Variants in PAK1IP1 observed in about 807,000 individuals in gnomAD.
PAK1IP1 encodes PAK1 interacting protein 1, also known as p21-activated protein kinase-interacting protein 1.
A neutral mutation model predicts 42.0 loss-of-function variants in PAK1IP1; 24 were observed. The ratio of observed to expected loss-of-function variants is 0.57; its 90% CI spans 0.41 to 0.80. The LOEUF (loss-of-function observed/expected upper bound fraction) is 0.80, where lower values mean the gene tolerates loss of function less well. Ranked by LOEUF, PAK1IP1 falls within the 30% of genes least tolerant of loss-of-function variation. The probability of loss-of-function intolerance (pLI) is 0.00; values close to 1 mark genes in which losing one functional copy is unlikely to be tolerated. For synonymous variants in PAK1IP1, 154 were observed against 156.7 expected, an observed-to-expected ratio of 0.98 and a Z score of 0.13; for missense variants, 411 against 467.9, an observed-to-expected ratio of 0.88 and a Z score of 1.12.
intron 5 of PAK1IP1, 150 bp from the exon 6 acceptor site, chr6:10,704,357 T>TA: frequency 1.7e-6 from 1 of 597,460 alleles, no homozygotes; most frequent in Non-Finnish European, 2.9e-6. Context: ...GATTATTTTC[T>TA]AAAAAACTTG....
At chr6:10,704,377 A>G (rs1263283801) in intron 5 of PAK1IP1, 130 bp from the exon 6 acceptor site, 2 of 629,588 alleles carry the variant, frequency 3.2e-6, no homozygotes, top group Non-Finnish European at 5.4e-6. Flanking sequence ...GACTTGTAAA[A>G]TGTGTTACGA....
At chr6:10,706,359 G>A (rs1581586303) in intron 7 of PAK1IP1, among the ~76,000 whole-genome samples, 1 of 151,900 alleles carries the variant, frequency 6.6e-6, no homozygotes, top group South Asian at 2.1e-4. Context: ...GAAGCCAATC[G>A]GTGCCTGTAA....
chr6:10,692,307 G>A (rs942105330), upstream of PAK1IP1, among the ~76,000 whole-genome samples: 6 of 152,136 alleles, frequency 3.9e-5, no homozygotes, highest in Non-Finnish European at 2.9e-5. Flanking sequence ...ACGTCCAGAG[G>A]ACACTTACTT....
chr6:10,702,719 A>G lies in PAK1IP1; in HGVS notation c.443+80A>G, dbSNP rs1408394761. On this transcript the variant is annotated intron_variant, in intron 4 of 9. Transcript: ENST00000379568. ...CTCCACCATCTAAAAATACTGTTAT[A>G]CAAGGGAAAGGTCAAAAGCTGGTGA... 3.9e-6 allele frequency: 4 copies of G among 1,030,958 alleles called. No homozygotes were observed. In the Admixed American group the frequency reaches 7.0e-5, roughly 18 times the overall value. 63.9% of individuals were successfully genotyped at this position (1,030,958 alleles called of 1,614,324 possible).
chr6:10,702,230 A>C, intron 2 of PAK1IP1, 139 bp from the exon 3 acceptor site: 1 of 676,316 alleles, frequency 1.5e-6, no homozygotes, highest in Non-Finnish European at 2.4e-6. Flanking sequence ...ACAAGAGTGA[A>C]ACCCTGCCTC....
chr6:10,709,363 G>GA lies in PAK1IP1; in HGVS notation c.1093dup (p.Ser365LysfsTer40). 6.2e-7 allele frequency: 1 copy of GA among 1,613,910 alleles called. No individual in the cohort carries two copies. The highest frequency in any genetic ancestry group is 8.5e-7 in the Non-Finnish European group (1 of 1,179,914). On this transcript the variant is annotated frameshift_variant, in exon 10 of 10. Transcript: ENST00000379568. LOFTEE classifies it low-confidence loss of function (END_TRUNC). ...AGGTGACAGTAAGAAAGCAACAAAA[G>GA]AAAGTGGCCTGATATCAACCAAGAA...
At chr6:10,694,612 A>ATATGTGT, upstream of PAK1IP1, 1 of 183,296 alleles carries the variant, frequency 5.5e-6, no homozygotes, top group South Asian at 9.7e-5. Context: ...AACCGGCCGG[A>ATATGTGT]AGTCGGCCCC....
chr6:10,694,994 G>C lies in PAK1IP1; in HGVS notation c.9G>C (p.Leu3=), dbSNP rs1228361451. The C allele has an allele frequency of 6.3e-7, 1 of 1,599,628 alleles. No homozygotes were observed. The highest frequency in any genetic ancestry group is 1.7e-5 in the Admixed American group (1 of 59,842). The change falls in exon 1 of 10, where the codon CTG becomes CTC. Residue 3 remains leucine (L), a synonymous_variant. Transcript: ENST00000379568. ...GGCACGTGCGCTGCTGAATGGAGCT[G>C]GTCGCTGGTTGCTACGAGCAGGTCC... The part of the protein sequence containing the change: ME[L]VAGCYEQVLF...
intron 2 of PAK1IP1, among the ~76,000 whole-genome samples, chr6:10,699,763 G>C: frequency 6.6e-6 from 1 of 152,188 alleles, no homozygotes; most frequent in Non-Finnish European, 1.5e-5. Context: ...CAGTAAATTT[G>C]CAGCGATAAA....
At chr6:10,697,574 T>TAGC in intron 2 of PAK1IP1, 88 bp downstream of exon 2, 1 of 1,031,302 alleles carries the variant, frequency 9.7e-7, no homozygotes, top group Non-Finnish European at 1.4e-6. Context: ...ATCTATTTTA[T>TAGC]AGCAGATTCT....
In PAK1IP1 at chr6:10,709,338, A is replaced by G. The variant is rs755604504; in HGVS notation, c.1065A>G (p.Thr355=). 4.3e-6 allele frequency: 7 copies of G among 1,614,060 alleles called. No individual in the cohort carries two copies. In the Admixed American group the frequency reaches 1.2e-4, roughly 27 times the overall value. ...CTAACACAAAGAAACGCGGTTTAAC[A>G]GGTGACAGTAAGAAAGCAACAAAAG... ...SKPNTKKRGL[T]GDSKKATKES... Residue 355 remains threonine (T), a synonymous_variant, in exon 10 of 10, where the codon ACA becomes ACG. Coordinates refer to ENST00000379568, the MANE Select transcript of PAK1IP1 (RefSeq NM_017906.3).
chr6:10,695,031 G>T lies in PAK1IP1; in HGVS notation c.46G>T (p.Ala16Ser). The change falls in exon 1 of 10, where the codon GCT (alanine) becomes TCT (serine). Residue 16 changes from alanine to serine, a missense_variant. Physicochemically the swap from Ala to Ser is moderately conservative, Grantham distance 99. Transcript: ENST00000379568. Reference sequence around the variant, plus strand: ...CTACGAGCAGGTCCTCTTTGGGTTCGCTGTACACCCGGAGCCCGAGGCTTG... The same window carrying T: ...CTACGAGCAGGTCCTCTTTGGGTTCTCTGTACACCCGGAGCCCGAGGCTTG... ...GCYEQVLFGF[A>S]VHPEPEACGD... 4 of 1,602,794 alleles carry T rather than the reference G, an allele frequency of 2.5e-6. No homozygotes were observed. Among genetic ancestry groups the T allele is most frequent in the Non-Finnish European group, 3.4e-6 (4 of 1,179,528 alleles).
intron 7 of PAK1IP1, 97 bp from the exon 8 acceptor site, chr6:10,707,318 A>G: frequency 2.7e-6 from 2 of 750,358 alleles, no homozygotes; most frequent in Non-Finnish European, 4.7e-6. Context: ...AAATACTTGA[A>G]ACATTGAGAA....
At position 10,699,396 on chromosome 6, in the gene PAK1IP1, G is replaced by A. The variant is rs751517488; in HGVS notation, c.247+1910G>A. 3.3e-5 allele frequency among the ~76,000 whole-genome samples: 5 copies of A among 152,064 alleles called. 1 individual carries two copies. The highest frequency in any genetic ancestry group is 2.1e-4 in the South Asian group (1 of 4,826). ...ACGTGGAACAGCTCTATGTGGTAACGATGCCCAGGCTGTGGGTGTAGGGGA... is the reference window on the plus strand; with the variant it reads ...ACGTGGAACAGCTCTATGTGGTAACAATGCCCAGGCTGTGGGTGTAGGGGA... On this transcript the variant is annotated intron_variant, in intron 2 of 9. Coordinates refer to ENST00000379568, the MANE Select transcript of PAK1IP1 (RefSeq NM_017906.3).
chr6:10,701,175 C>A (rs58452141), intron 2 of PAK1IP1, among the ~76,000 whole-genome samples: 83 of 152,262 alleles, frequency 5.5e-4, no homozygotes, highest in African/African-American at 1.9e-3. Flanking sequence ...CTCCCGGGTT[C>A]AAGCGATTCT....
At chr6:10,704,689 G>T in intron 6 of PAK1IP1, 37 bp downstream of exon 6, 1 of 1,605,878 alleles carries the variant, frequency 6.2e-7, no homozygotes, top group Admixed American at 1.7e-5. Context: ...AGTTTGTGGT[G>T]ATGGTTGGAA....
At chr6:10,702,846 G>A (rs796580679) in intron 4 of PAK1IP1, among the ~76,000 whole-genome samples, 35 of 151,172 alleles carry the variant, frequency 2.3e-4, no homozygotes, top group African/African-American at 7.3e-4. Flanking sequence ...CTGCTCTGTC[G>A]CCCAGGCTGG....
Position 10,709,608 on chromosome 6 carries a change from A to ATTT in PAK1IP1, c.*156_*157insTTT, listed in dbSNP as rs1259378722. The ATTT allele has an allele frequency of 7.0e-6, 3 of 427,898 alleles. No homozygotes were observed. Among genetic ancestry groups the ATTT allele is most frequent in the African/African-American group, 6.5e-5 (3 of 45,988 alleles). The allele number at this position is 427,898 out of a possible 1,614,324, so 26.5% of individuals were successfully genotyped here. A position where few individuals can be genotyped will look rare whatever the true frequency, so the allele number is the denominator to read the frequency against. ...CACTTTTAGATGGTTTTTTTTAAAAAAAAAAAAAAAACTGGTAAAATTACT... is the reference window on the plus strand; with the variant it reads ...CACTTTTAGATGGTTTTTTTTAAAAATTTAAAAAAAAAAACTGGTAAAATTACT... On this transcript the variant is annotated 3_prime_UTR_variant, in exon 10 of 10. Coordinates refer to ENST00000379568, the MANE Select transcript of PAK1IP1 (RefSeq NM_017906.3).
chr6:10,702,842 T>C (rs1425310540), intron 4 of PAK1IP1, among the ~76,000 whole-genome samples: 3 of 152,156 alleles, frequency 2.0e-5, no homozygotes, highest in Non-Finnish European at 2.9e-5. Context: ...CTCCCTGCTC[T>C]GTCGCCCAGG....
Sources: gnomAD v4.1 joint callset for allele counts (sites outside exome capture counted in the v4.1 genomes callset) on GRCh38, gnomAD v4.1.1 for gene constraint, MANE v1.5 for transcripts, NCBI Gene and HGNC (gene_info 2026-07-23, HGNC 2026-07-21) for gene names.